F5: variants seen among roughly 807,000 people sequenced by gnomAD.
The protein encoded by F5 is coagulation factor V.
A neutral mutation model predicts 216.4 loss-of-function variants in F5; 138 were observed. The observed-to-expected ratio is 0.64, with a 90% CI of 0.56 to 0.73. The LOEUF (loss-of-function observed/expected upper bound fraction) is 0.73. F5 is among the 30% of genes least tolerant of loss of function. F5 has a pLI of 0.00. For missense variants in F5, 2,403 were observed against 2,674.0 expected (o/e 0.90, Z 2.24); for synonymous variants, 916 against 930.7 (o/e 0.98, Z 0.29).
At chr1:169,568,551 T>A (rs1660659961) in intron 3 of F5, among the ~76,000 whole-genome samples, 2 of 152,108 alleles carry the variant, frequency 1.3e-5, no homozygotes, top group Non-Finnish European at 1.5e-5. Context: ...ATAAAAAAAA[T>A]TAAGCTCTAA....
Position 169,536,633 on chromosome 1 carries a change from T to C in F5, c.4844A>G (p.Tyr1615Cys), listed in dbSNP as rs755533777. The change falls in exon 14 of 25, where the codon TAT (tyrosine) becomes TGT (cysteine). Residue 1615 changes from tyrosine (Y) to cysteine (C), a missense_variant. This residue lies in a region of F5 where 659 missense variants were observed against 787.9 expected (regional missense o/e 0.84). Transcript: ENST00000367797. The part of the protein sequence containing the change: ...DSDDIPEDTT[Y>C]KKVVFRKYLD... The stretch of plus-strand genomic sequence containing the variant: ...GTACTTTCGAAAAACTACTTTCTTA[T>C]ATGTGGTATCTTCTGGAATATCATC... 1.1e-5 allele frequency: 17 copies of C among 1,613,000 alleles called. No individual in the cohort carries two copies. The highest frequency in any genetic ancestry group is 4.5e-5 in the East Asian group (2 of 44,860).
chr1:169,548,911 C>T (rs910006580), intron 10 of F5, among the ~76,000 whole-genome samples: 1 of 151,340 alleles, frequency 6.6e-6, no homozygotes, highest in Non-Finnish European at 1.5e-5. Context: ...AGAAAAATCT[C>T]ATTTCGCTAT....
intron 2 of F5, among the ~76,000 whole-genome samples, chr1:169,579,154 C>T (rs1232482051): frequency 6.6e-6 from 1 of 151,778 alleles, no homozygotes; most frequent in Admixed American, 6.6e-5. Context: ...ATTCACTCCT[C>T]AACACCCTGC....
At chr1:169,525,799 A>G (rs938805000) in intron 18 of F5, 102 bp downstream of exon 18, 3 of 880,450 alleles carry the variant, frequency 3.4e-6, no homozygotes, top group Non-Finnish European at 5.8e-6. Context: ...CCTTTGTCAC[A>G]TCAGAGTTCT....
rs1208294600 is a variant in F5 at position 169,560,749 on chromosome 1, G to A, written c.391C>T (p.His131Tyr). Residue 131 changes from histidine (H) to tyrosine (Y), a missense_variant, in exon 4 of 25, where the codon CAC becomes TAC. Physicochemically the swap from His to Tyr is moderately conservative, Grantham distance 83 (BLOSUM62 2). This residue lies in a region of F5 where 1,425 missense variants were observed against 1,554.8 expected (regional missense o/e 0.92). Transcript: ENST00000367797. ...TCCATCTTCTCCGCAGGGAATGTGT[G>A]GTCAAGGTAAGAAGCACCTGGAGGA... is the stretch of plus-strand genomic sequence containing the variant. ...KLSEGASYLD[H>Y]TFPAEKMDDA... 2 of 1,612,014 alleles carry A rather than the reference G, an allele frequency of 1.2e-6. No homozygotes were observed. Among genetic ancestry groups the A allele is most frequent in the Non-Finnish European group, 1.7e-6 (2 of 1,179,548 alleles).
chr1:169,577,554 A>C (rs1660883022), intron 2 of F5, among the ~76,000 whole-genome samples: 1 of 63,514 alleles, frequency 1.6e-5, no homozygotes, highest in Non-Finnish European at 3.2e-5. Context: ...ATGTCTGGCT[A>C]ATTTAAATAT....
Position 169,523,920 on chromosome 1 carries a change from GAA to G in F5, c.5789-18_5789-17del, listed in dbSNP as rs776042028. 6.3e-7 allele frequency: 1 copy of G among 1,594,444 alleles called. No homozygotes were observed. ...TCCCAGTAACCTAAACTCAAGGGAA[GAA>G]AAAGATTTATTCTGAATTTTTTAAA... On this transcript the variant is annotated splice_polypyrimidine_tract_variant and intron_variant, in intron 19 of 24. Coordinates refer to ENST00000367797, the MANE Select transcript of F5 (RefSeq NM_000130.5).
Position 169,540,977 on chromosome 1 carries a change from G to A in F5, c.4113C>T (p.Ser1371=). ...PSHTTLSLDL[S]QTNLSPELSQ... ...TGAGTTCTGGAGAGAGGTTTGTCTGGCTGAGGTCTAGAGAAAGGGTTGTAT... is the reference window on the plus strand; with the variant it reads ...TGAGTTCTGGAGAGAGGTTTGTCTGACTGAGGTCTAGAGAAAGGGTTGTAT... Residue 1371 remains serine (S), a synonymous_variant, in exon 13 of 25, where the codon AGC becomes AGT. Coordinates refer to ENST00000367797, the MANE Select transcript of F5 (RefSeq NM_000130.5). The A allele has an allele frequency of 1.3e-6, 2 of 1,595,854 alleles. No individual in the cohort carries two copies. Among genetic ancestry groups the A allele is most frequent in the South Asian group, 1.1e-5 (1 of 90,380 alleles).
intron 13 of F5, among the ~76,000 whole-genome samples, chr1:169,537,433 G>A (rs1186632525): frequency 6.6e-6 from 1 of 152,122 alleles, no homozygotes; most frequent in Non-Finnish European, 1.5e-5. Context: ...TGTGGACAAA[G>A]ATTTTTTGGA....
At chr1:169,569,638 AT>A (rs1204752384) in intron 3 of F5, among the ~76,000 whole-genome samples, 1 of 152,078 alleles carries the variant, frequency 6.6e-6, no homozygotes, top group African/African-American at 2.4e-5. Flanking sequence ...CAGATACTTT[AT>A]TCCCTGATCT....
In F5 at chr1:169,542,798, G is replaced by A. The variant is rs536614946; in HGVS notation, c.2292C>T (p.Phe764=). Residue 764 remains phenylalanine, a synonymous_variant, in exon 13 of 25, where the codon TTC becomes TTT. Coordinates refer to ENST00000367797, the MANE Select transcript of F5 (RefSeq NM_000130.5). ...TALALENGTE[F]VSSNTDIIVG... ...CAATTATATCTGTGTTTGAAGAAAC[G>A]AATTCAGTGCCATTCTCCAGAGCTA... is the stretch of plus-strand genomic sequence containing the variant. The A allele has an allele frequency of 1.4e-5, 23 of 1,614,094 alleles. No homozygotes were observed. The East Asian group carries it at 2.2e-4, about 16-fold the overall frequency.
At chr1:169,519,723 T>A (rs1350152869) in intron 22 of F5, among the ~76,000 whole-genome samples, 1 of 152,214 alleles carries the variant, frequency 6.6e-6, no homozygotes, top group African/African-American at 2.4e-5. Context: ...TATTGATCCC[T>A]CTTCCCACCT....
chr1:169,562,769 A>G (rs535659897), intron 3 of F5, among the ~76,000 whole-genome samples: 1 of 152,148 alleles, frequency 6.6e-6, no homozygotes, highest in South Asian at 2.1e-4. Flanking sequence ...CCTTTGTGCT[A>G]TTGTCATACA....
At chr1:169,535,859 A>G (rs1281619326) in intron 14 of F5, among the ~76,000 whole-genome samples, 1 of 152,186 alleles carries the variant, frequency 6.6e-6, no homozygotes, top group Non-Finnish European at 1.5e-5. Flanking sequence ...GGTATAGTAG[A>G]TTATATTTTA....
intron 1 of F5, among the ~76,000 whole-genome samples, chr1:169,582,786 C>G (rs936529285): frequency 1.3e-5 from 2 of 152,168 alleles, no homozygotes; most frequent in Non-Finnish European, 2.9e-5. Flanking sequence ...AATCAATTTT[C>G]TAAAAAGAAC....
rs760510007 is a variant in F5 at position 169,542,861 on chromosome 1, T to C, written c.2229A>G (p.Ser743=). The change falls in exon 13 of 25, where the codon TCA becomes TCG. Residue 743 remains serine, a synonymous_variant. Coordinates refer to ENST00000367797, the MANE Select transcript of F5 (RefSeq NM_000130.5). ...TGAACTCTTCTTCTTCCTGATTCAA[T>C]GATGAGTTTCGGAATGACCTGATTC... The part of the protein sequence containing the change: ...ALGIRSFRNS[S]LNQEEEEFNL... 2.5e-6 allele frequency: 4 copies of C among 1,614,058 alleles called. No homozygotes were observed. Among genetic ancestry groups the C allele is most frequent in the Non-Finnish European group, 3.4e-6 (4 of 1,180,008 alleles).
intron 24 of F5, among the ~76,000 whole-genome samples, chr1:169,514,844 T>C (rs998278614): frequency 6.6e-6 from 1 of 152,146 alleles, no homozygotes; most frequent in Non-Finnish European, 1.5e-5. Context: ...CATGGTGCTG[T>C]GGAGCAGCTG....
chr1:169,580,409 A>G (rs1413013754), intron 2 of F5, among the ~76,000 whole-genome samples: 1 of 149,644 alleles, frequency 6.7e-6, no homozygotes, highest in Admixed American at 6.6e-5. Context: ...TTTGAGATAG[A>G]GTTTCGCTCT....
intron 22 of F5, among the ~76,000 whole-genome samples, 196 bp downstream of exon 22, chr1:169,520,324 C>T (rs956303181): frequency 8.5e-5 from 13 of 152,094 alleles, no homozygotes; most frequent in African/African-American, 3.1e-4. Flanking sequence ...GAGATGCTGT[C>T]GGCACTCTGA....
Sources: allele counts gnomAD v4.1 joint callset (sites outside exome capture counted in the v4.1 genomes callset), GRCh38; gene constraint gnomAD v4.1.1; regional missense constraint gnomAD v4.1.1; transcripts MANE v1.5; gene names NCBI Gene and HGNC (gene_info 2026-07-23, HGNC 2026-07-21).